SH3D19: variants seen among roughly 807,000 people sequenced by gnomAD.
SH3D19 encodes SH3 domain-containing protein 19.
A neutral mutation model predicts 112.1 loss-of-function variants in SH3D19; 58 were observed. The ratio of observed to expected loss-of-function variants is 0.52; its 90% confidence interval spans 0.42 to 0.64. SH3D19 has a LOEUF of 0.64. Ranked by LOEUF, SH3D19 falls within the 30% of genes least tolerant of loss-of-function variation. SH3D19 has a pLI of 0.00. For synonymous variants in SH3D19, 391 were observed against 448.5 expected (o/e 0.87, Z 1.62); for missense variants, 1,090 against 1,263.4 (o/e 0.86, Z 2.08).
chr4:151,256,836 G>T (rs1771964995), intron 1 of SH3D19, among the ~76,000 whole-genome samples: 1 of 152,130 alleles, frequency 6.6e-6, no homozygotes, highest in Non-Finnish European at 1.5e-5. Flanking sequence ...TACCTCCTGG[G>T]TTCAAGCGAT....
chr4:151,280,054 T>TATCAAACCCGAAACAACTAG, intron 1 of SH3D19: 3 of 872,644 alleles, frequency 3.4e-6, no homozygotes, highest in South Asian at 4.0e-5. Context: ...AGTGGTAAAA[T>TATCAAACCCGAAACAACTAG]AGGCAGGGCG....
intron 1 of SH3D19, among the ~76,000 whole-genome samples, chr4:151,251,256 T>C (rs1003420138): frequency 2.9e-4 from 43 of 149,586 alleles, no homozygotes; most frequent in Non-Finnish European, 3.9e-4. Flanking sequence ...TGGAGTACAA[T>C]GGTGTGATCT....
intron 19 of SH3D19, among the ~76,000 whole-genome samples, chr4:151,127,387 G>GGT (rs781341876): frequency 1.3e-5 from 2 of 152,084 alleles, no homozygotes; most frequent in Non-Finnish European, 2.9e-5. Flanking sequence ...GATGTATGGG[G>GGT]GTGTAAAGCC....
intron 19 of SH3D19, among the ~76,000 whole-genome samples, chr4:151,122,847 C>CTTT (rs760704406): frequency 6.5e-4 from 79 of 120,802 alleles, no homozygotes; most frequent in Non-Finnish European, 9.7e-4. Flanking sequence ...ATTTTAGAGA[C>CTTT]TTTTTTTTTT....
chr4:151,180,702 G>A (rs915328458), intron 3 of SH3D19, among the ~76,000 whole-genome samples: 3 of 149,912 alleles, frequency 2.0e-5, no homozygotes, highest in Admixed American at 6.7e-5. Context: ...CACTGCGCCC[G>A]ACACATATGG....
intron 10 of SH3D19, among the ~76,000 whole-genome samples, chr4:151,149,244 T>C (rs937659369): frequency 2.0e-5 from 3 of 152,194 alleles, no homozygotes; most frequent in African/African-American, 7.2e-5. Context: ...GGAGCTGTTT[T>C]AAGTTCAGAA....
At chr4:151,277,237 G>A in intron 1 of SH3D19, 3 of 1,496,862 alleles carry the variant, frequency 2.0e-6, no homozygotes, top group Non-Finnish European at 2.7e-6. Flanking sequence ...GAGCGCCAGG[G>A]TGGGGTTGAG....
Position 151,214,949 on chromosome 4 carries a change from T to G in SH3D19, c.152+11098A>C, listed in dbSNP as rs1222184242. Among the ~76,000 whole-genome samples, 3 of 137,826 alleles carry G rather than the reference T, an allele frequency of 2.2e-5. 1 individual carries two copies. Among genetic ancestry groups the G allele is most frequent in the African/African-American group, 8.0e-5 (3 of 37,476 alleles). The allele number at this position is 137,826 out of a possible 152,430, so 90.4% of individuals were successfully genotyped here. On this transcript the variant is annotated intron_variant, in intron 2 of 19. Transcript: ENST00000604030. Reference sequence around the variant, plus strand: ...GCCAGGCGGAGGGTCTCCTCCCTTCTCAGATGGGGCGGCTGGGCAGAGACG... The same window carrying G: ...GCCAGGCGGAGGGTCTCCTCCCTTCGCAGATGGGGCGGCTGGGCAGAGACG...
At chr4:151,240,175 T>C (rs1343154148) in intron 1 of SH3D19, among the ~76,000 whole-genome samples, 2 of 151,380 alleles carry the variant, frequency 1.3e-5, no homozygotes, top group Non-Finnish European at 2.9e-5. Flanking sequence ...GAGGCTGAGG[T>C]GGAAGGATCA....
intron 1 of SH3D19, among the ~76,000 whole-genome samples, chr4:151,308,827 C>T (rs1316775521): frequency 1.3e-5 from 2 of 152,180 alleles, no homozygotes; most frequent in Non-Finnish European, 2.9e-5. Flanking sequence ...TAGAGTTACT[C>T]TCATTTTCAA....
At chr4:151,307,017 CTTTTT>C (rs750863632) in intron 1 of SH3D19, among the ~76,000 whole-genome samples, 1 of 122,922 alleles carries the variant, frequency 8.1e-6, no homozygotes, top group Non-Finnish European at 1.7e-5. Context: ...ATGATGACTT[CTTTTT>C]TTTTTTTTTT....
At chr4:151,145,111 T>C (rs576661103) in intron 11 of SH3D19, among the ~76,000 whole-genome samples, 19 of 152,322 alleles carry the variant, frequency 1.2e-4, no homozygotes, top group African/African-American at 4.6e-4. Flanking sequence ...TGTACCCAGA[T>C]TCCTGGCTAG....
intron 4 of SH3D19, among the ~76,000 whole-genome samples, chr4:151,178,522 T>C (rs1760308992): frequency 6.6e-6 from 1 of 152,230 alleles, no homozygotes; most frequent in Admixed American, 6.5e-5. Context: ...TATTAGTTAA[T>C]AAACGTTAAG....
At chr4:151,123,430 T>C (rs1333469420) in intron 19 of SH3D19, among the ~76,000 whole-genome samples, 1 of 152,206 alleles carries the variant, frequency 6.6e-6, no homozygotes, top group Non-Finnish European at 1.5e-5. Context: ...ATTTCTCCTC[T>C]ACCATCTGGT....
chr4:151,195,371 CAAAAAAAA>C (rs58618820), intron 2 of SH3D19, among the ~76,000 whole-genome samples: 2 of 66,794 alleles, frequency 3.0e-5, no homozygotes, highest in Non-Finnish European at 4.8e-5. Flanking sequence ...GACTCTGTCT[CAAAAAAAA>C]AAAAAAAAAA....
At chr4:151,285,481 AAC>A (rs1774656526) in intron 1 of SH3D19, among the ~76,000 whole-genome samples, 2 of 152,244 alleles carry the variant, frequency 1.3e-5, no homozygotes, top group South Asian at 2.1e-4. Context: ...TGTGGAAAGT[AAC>A]ACACTGCTAA....
At chr4:151,299,988 G>A (rs1198564687) in intron 1 of SH3D19, among the ~76,000 whole-genome samples, 1 of 152,146 alleles carries the variant, frequency 6.6e-6, no homozygotes, top group African/African-American at 2.4e-5. Context: ...GATCACCTGA[G>A]GTCGGGAGTT....
intron 1 of SH3D19, among the ~76,000 whole-genome samples, chr4:151,311,601 G>A (rs1000081064): frequency 2.0e-5 from 3 of 151,820 alleles, no homozygotes; most frequent in African/African-American, 7.3e-5. Flanking sequence ...CACTTTGGGA[G>A]GCCAAAGTGG....
chr4:151,280,487 C>T (rs1460316041), intron 1 of SH3D19, among the ~76,000 whole-genome samples: 3 of 152,220 alleles, frequency 2.0e-5, no homozygotes, highest in African/African-American at 7.2e-5. Context: ...AACTAAGTCA[C>T]ACCTGATTCC....
Sources: gnomAD v4.1 joint callset for allele counts (sites outside exome capture counted in the v4.1 genomes callset) on GRCh38, gnomAD v4.1.1 for gene constraint, MANE v1.5 for transcripts, NCBI Gene and HGNC (gene_info 2026-07-23, HGNC 2026-07-21) for gene names.